The following ANK3 variants were observed in gnomAD, a reference collection of about 807,000 sequenced individuals.
ANK3 encodes the protein ankyrin-3.
In ANK3, 57 loss-of-function variants were observed where a neutral mutation model predicts 370.9. That is an observed-to-expected ratio of 0.15 (90% confidence interval 0.12 to 0.19). The LOEUF (loss-of-function observed/expected upper bound fraction) is 0.19. Ranked by LOEUF, ANK3 falls within the 10% of genes least tolerant of loss-of-function variation. ANK3 has a pLI of 1.00. For synonymous variants in ANK3, 1,929 were observed against 1,946.3 expected (o/e 0.99, Z 0.23); for missense variants, 4,439 against 5,302.1 (o/e 0.84, Z 5.06).
upstream of ANK3, among the ~76,000 whole-genome samples, chr10:60,392,271 A>G (rs1440422554): frequency 1.3e-5 from 2 of 152,248 alleles, no homozygotes; most frequent in African/African-American, 2.4e-5. Context: ...AAATGAAAAC[A>G]TTAAAACAAC....
At chr10:60,041,985 C>T (rs2131864263) in intron 43 of ANK3, among the ~76,000 whole-genome samples, 1 of 152,256 alleles carries the variant, frequency 6.6e-6, no homozygotes, top group Non-Finnish European at 1.5e-5. Flanking sequence ...CTTTACTTTA[C>T]AGACTATAGA....
Position 60,114,262 on chromosome 10 carries a change from C to A in ANK3, c.2911G>T (p.Asp971Tyr), listed in dbSNP as rs568713836. The change falls in exon 26 of 44, where the codon GAC becomes TAC. Residue 971 changes from aspartate to tyrosine, a missense_variant. Physicochemically the swap from Asp to Tyr is radical, Grantham distance 160 (BLOSUM62 -3). This residue lies in a region of ANK3 where 702 missense variants were observed against 941.5 expected (regional missense o/e 0.75). Transcript: ENST00000280772. Reference sequence around the variant, plus strand: ...GGGCTTGAAACAAGATTGACATTGTCTAAGGTGTCTGCAGCCCAGCTGTAA... The same window carrying A: ...GGGCTTGAAACAAGATTGACATTGTATAAGGTGTCTGCAGCCCAGCTGTAA... Reference protein sequence around the residue: ...RHYSWAADTLDNVNLVSSPIH... With the variant: ...RHYSWAADTLYNVNLVSSPIH... 10 of 1,609,194 alleles carry A rather than the reference C, an allele frequency of 6.2e-6. No homozygotes were observed. The highest frequency in any genetic ancestry group is 8.5e-6 in the Non-Finnish European group (10 of 1,177,994).
chr10:60,331,629 A>T (rs2051344801), intron 1 of ANK3, among the ~76,000 whole-genome samples: 1 of 151,830 alleles, frequency 6.6e-6, no homozygotes, highest in South Asian at 2.1e-4. Context: ...GTCATTCTTC[A>T]AGCTTGCTTG....
intron 1 of ANK3, among the ~76,000 whole-genome samples, chr10:60,625,159 C>CTCTG (rs2078391417): frequency 6.6e-6 from 1 of 152,080 alleles, no homozygotes; most frequent in Admixed American, 6.6e-5. Flanking sequence ...GTCCAAGCTA[C>CTCTG]TCTGCCAAGA....
At chr10:60,234,326 A>G (rs2097297008) in intron 8 of ANK3, among the ~76,000 whole-genome samples, 1 of 152,206 alleles carries the variant, frequency 6.6e-6, no homozygotes, top group South Asian at 2.1e-4. Context: ...TAGCAGTCAC[A>G]TCATTTTACA....
At chr10:60,721,515 A>G (rs1246398419) in intron 1 of ANK3, among the ~76,000 whole-genome samples, 1 of 152,198 alleles carries the variant, frequency 6.6e-6, no homozygotes, top group Non-Finnish European at 1.5e-5. Context: ...ATAATGGGTA[A>G]TCATAAAAGG....
intron 7 of ANK3, among the ~76,000 whole-genome samples, chr10:60,237,365 C>G (rs921927050): frequency 6.6e-6 from 1 of 152,140 alleles, no homozygotes; most frequent in Non-Finnish European, 1.5e-5. Context: ...CCAAGTGGGA[C>G]GTGACACGAA....
At chr10:60,037,833 C>T (rs924689270) in intron 43 of ANK3, among the ~76,000 whole-genome samples, 4 of 152,166 alleles carry the variant, frequency 2.6e-5, no homozygotes, top group East Asian at 1.9e-4. Flanking sequence ...CTGGGTTGAA[C>T]GGTCGTTCTG....
chr10:60,084,444 T>G, intron 32 of ANK3, 158 bp downstream of exon 32: 1 of 397,306 alleles, frequency 2.5e-6, no homozygotes, highest in Non-Finnish European at 4.3e-6. Flanking sequence ...TTAAAAAAGA[T>G]AAAAAAATTT....
At chr10:60,202,199 G>T (rs867819457) in intron 12 of ANK3, among the ~76,000 whole-genome samples, 1 of 151,872 alleles carries the variant, frequency 6.6e-6, no homozygotes, top group Non-Finnish European at 1.5e-5. Context: ...TCAGCTCACC[G>T]CAACCTCCGC....
intron 1 of ANK3, among the ~76,000 whole-genome samples, chr10:60,691,775 C>G (rs1295195107): frequency 6.6e-6 from 1 of 152,152 alleles, no homozygotes; most frequent in Non-Finnish European, 1.5e-5. Flanking sequence ...TGGGCTTTCA[C>G]CTGCTCTCCT....
chr10:60,276,353 G>A (rs978544876), intron 4 of ANK3, among the ~76,000 whole-genome samples: 1 of 152,114 alleles, frequency 6.6e-6, no homozygotes, highest in Non-Finnish European at 1.5e-5. Flanking sequence ...AAATGGAGGT[G>A]ACATCATTGT....
chr10:60,347,054 GATAT>G (rs34027235), intron 1 of ANK3, among the ~76,000 whole-genome samples: 23,968 of 142,314 alleles, frequency 0.17, 3,017 homozygotes, highest in African/African-American at 0.33. Context: ...AGAAATATAT[GATAT>G]ATATATATAT....
intron 1 of ANK3, among the ~76,000 whole-genome samples, chr10:60,642,707 A>G (rs1230756306): frequency 1.3e-5 from 2 of 152,286 alleles, no homozygotes; most frequent in East Asian, 3.9e-4. Flanking sequence ...GCAGCACACC[A>G]GCATGGCACA....
At chr10:60,442,096 CTT>C (rs34573283) in intron 2 of ANK3, among the ~76,000 whole-genome samples, 13 of 134,944 alleles carry the variant, frequency 9.6e-5, no homozygotes, top group Admixed American at 2.2e-4. Flanking sequence ...CTCCCATATA[CTT>C]TTTTTTTTTT....
intron 41 of ANK3, among the ~76,000 whole-genome samples, chr10:60,057,503 A>G (rs553447786): frequency 6.6e-6 from 1 of 152,316 alleles, no homozygotes; most frequent in African/African-American, 2.4e-5. Flanking sequence ...AGCACACTCT[A>G]TTCTTTATGT....
intron 2 of ANK3, among the ~76,000 whole-genome samples, chr10:60,434,710 G>A (rs1291867208): frequency 6.6e-6 from 1 of 152,130 alleles, no homozygotes; most frequent in Non-Finnish European, 1.5e-5. Context: ...CCCAGAGTAC[G>A]ACTAGATCTT....
intron 1 of ANK3, among the ~76,000 whole-genome samples, chr10:60,374,993 G>T (rs1193236225): frequency 6.6e-6 from 1 of 151,926 alleles, no homozygotes; most frequent in African/African-American, 2.4e-5. Context: ...AAAGGGAAGA[G>T]AAACAAAAGA....
At chr10:60,693,086 C>T (rs1388318415) in intron 1 of ANK3, among the ~76,000 whole-genome samples, 2 of 152,204 alleles carry the variant, frequency 1.3e-5, no homozygotes, top group Non-Finnish European at 2.9e-5. Context: ...CATTGCCTCA[C>T]TCGGGAAGCG....
Sources: allele counts gnomAD v4.1 joint callset (sites outside exome capture counted in the v4.1 genomes callset), GRCh38; gene constraint gnomAD v4.1.1; regional missense constraint gnomAD v4.1.1; transcripts MANE v1.5; gene names NCBI Gene and HGNC (gene_info 2026-07-23, HGNC 2026-07-21).